The following ALG14 variants were observed in gnomAD, a reference collection of about 807,000 sequenced individuals.
ALG14 encodes ALG14 UDP-N-acetylglucosaminyltransferase subunit, also known as UDP-N-acetylglucosamine transferase subunit ALG14.
Under a neutral mutation model 22.8 loss-of-function variants are expected in ALG14, and 17 were observed. The ratio of observed to expected loss-of-function variants is 0.75; its 90% CI spans 0.51 to 1.12. The LOEUF is 1.12. Ranked by LOEUF, ALG14 falls within the 50% of genes most tolerant of loss-of-function variation. The probability of loss-of-function intolerance (pLI) is 0.00; values close to 1 mark genes in which losing one functional copy is unlikely to be tolerated. For missense variants in ALG14, 288 were observed against 271.8 expected (o/e 1.06, Z -0.42); for synonymous variants, 89 against 103.7 (o/e 0.86, Z 0.86).
At chr1:95,043,299 G>A (rs1002794280) in intron 2 of ALG14, among the ~76,000 whole-genome samples, 1 of 152,114 alleles carries the variant, frequency 6.6e-6, no homozygotes, top group Non-Finnish European at 1.5e-5. Flanking sequence ...CCATACACAC[G>A]TTATAAGGTC....
At chr1:95,059,768 G>C (rs1675070570) in intron 2 of ALG14, among the ~76,000 whole-genome samples, 1 of 151,962 alleles carries the variant, frequency 6.6e-6, no homozygotes, top group Non-Finnish European at 1.5e-5. Flanking sequence ...AATGAGGCTA[G>C]TGCAACCGAG....
At chr1:95,060,973 T>C (rs969381524) in intron 2 of ALG14, among the ~76,000 whole-genome samples, 1 of 151,978 alleles carries the variant, frequency 6.6e-6, no homozygotes, top group Non-Finnish European at 1.5e-5. Context: ...GGTATCCTCA[T>C]AAAAAAGGCA....
intron 3 of ALG14, among the ~76,000 whole-genome samples, chr1:95,016,610 C>T (rs1035751487): frequency 2.6e-5 from 4 of 152,050 alleles, no homozygotes; most frequent in Non-Finnish European, 5.9e-5. Flanking sequence ...GCAATGGCAG[C>T]TCCAGGACTT....
chr1:95,058,088 C>G (rs1674999248), intron 2 of ALG14, among the ~76,000 whole-genome samples: 1 of 150,706 alleles, frequency 6.6e-6, no homozygotes, highest in Non-Finnish European at 1.5e-5. Context: ...GAGATCGAGA[C>G]CATCCTGGCC....
At chr1:95,016,530 A>T (rs935359636) in intron 3 of ALG14, among the ~76,000 whole-genome samples, 3 of 152,194 alleles carry the variant, frequency 2.0e-5, no homozygotes, top group Admixed American at 1.3e-4. Context: ...AAACCCACCA[A>T]GATATAAATA....
intron 1 of ALG14, among the ~76,000 whole-genome samples, chr1:95,066,676 G>A (rs1305357584): frequency 6.6e-6 from 1 of 152,044 alleles, no homozygotes; most frequent in Non-Finnish European, 1.5e-5. Context: ...TCTTGACTGG[G>A]GCATATAATT....
rs898554701 is a variant in ALG14 at position 94,981,850 on chromosome 1, A to G, written c.*1226T>C. 2.0e-5 allele frequency: 3 copies of G among 151,984 alleles called. No individual in the cohort carries two copies. The highest frequency in any genetic ancestry group is 2.0e-4 in the Admixed American group (3 of 15,258). The allele number at this position is 151,984 out of a possible 1,614,324, so 9.4% of individuals were successfully genotyped here. A position where few individuals can be genotyped will look rare whatever the true frequency, so the allele number is the denominator to read the frequency against. On this transcript the variant is annotated 3_prime_UTR_variant, in exon 4 of 4. Coordinates refer to ENST00000370205, the MANE Select transcript of ALG14 (RefSeq NM_144988.4). The stretch of plus-strand genomic sequence containing the variant: ...CACAGTCTCAAGCAGGACCAGCGAA[A>G]GAATTCAGAGGGTCTAAAATATAAG...
rs1290576527 is a variant in ALG14, at chr1:95,072,902, G to A, written c.-4C>T. ...CTAGAACGAGAACGCACACCATGCA[G>A]AGAAACGGCGCATGCGTCCAACTTC... is the stretch of plus-strand genomic sequence containing the variant. On this transcript the variant is annotated 5_prime_UTR_variant, in exon 1 of 4. Coordinates refer to ENST00000370205, the MANE Select transcript of ALG14 (RefSeq NM_144988.4). 6.2e-7 allele frequency: 1 copy of A among 1,613,874 alleles called. No individual in the cohort carries two copies. The highest frequency in any genetic ancestry group is 2.2e-5 in the East Asian group (1 of 44,864).
chr1:94,987,433 C>A (rs1438915349), intron 3 of ALG14, among the ~76,000 whole-genome samples: 1 of 152,158 alleles, frequency 6.6e-6, no homozygotes, highest in East Asian at 1.9e-4. Context: ...AATAAATAAA[C>A]TTCTCTAAAA....
intron 3 of ALG14, among the ~76,000 whole-genome samples, chr1:95,020,678 C>G (rs577162195): frequency 6.7e-6 from 1 of 149,620 alleles, no homozygotes; most frequent in South Asian, 2.1e-4. Context: ...CCAGAGGTCA[C>G]GGTGAGCCAA....
At chr1:95,041,769 G>A (rs1674388570) in intron 2 of ALG14, among the ~76,000 whole-genome samples, 1 of 152,168 alleles carries the variant, frequency 6.6e-6, no homozygotes, top group African/African-American at 2.4e-5. Context: ...ACCCCACCTT[G>A]TGGAAAACAG....
intron 3 of ALG14, among the ~76,000 whole-genome samples, chr1:94,993,434 A>G (rs567742261): frequency 4.7e-5 from 7 of 147,532 alleles, no homozygotes; most frequent in Non-Finnish European, 3.0e-5. Context: ...ACATATTTAT[A>G]TACATTTATA....
chr1:95,021,730 T>C (rs1673669536), intron 3 of ALG14, among the ~76,000 whole-genome samples: 1 of 152,170 alleles, frequency 6.6e-6, no homozygotes. Context: ...TCTCACCTCG[T>C]CACCAGCATC....
chr1:95,016,960 T>C (rs1343962170), intron 3 of ALG14, among the ~76,000 whole-genome samples: 1 of 149,212 alleles, frequency 6.7e-6, no homozygotes, highest in Admixed American at 6.7e-5. Flanking sequence ...TGTGTGTGTG[T>C]GTGTGTGTGT....
intron 3 of ALG14, among the ~76,000 whole-genome samples, chr1:95,000,464 A>G (rs746271305): frequency 1.3e-4 from 18 of 143,462 alleles, no homozygotes; most frequent in Non-Finnish European, 2.0e-4. Context: ...TGGGCCTGAG[A>G]GGCAGAAGTT....
At chr1:95,036,578 C>A (rs1052868452) in intron 2 of ALG14, among the ~76,000 whole-genome samples, 3 of 151,918 alleles carry the variant, frequency 2.0e-5, no homozygotes, top group Non-Finnish European at 4.4e-5. Context: ...AGGTATGCGC[C>A]ACCATACCCG....
intron 3 of ALG14, among the ~76,000 whole-genome samples, chr1:94,993,119 C>T (rs1472636920): frequency 6.7e-6 from 1 of 148,680 alleles, no homozygotes. Context: ...TACCAGATAA[C>T]AATAACCCAG....
intron 3 of ALG14, among the ~76,000 whole-genome samples, chr1:94,989,144 G>A (rs1672711664): frequency 6.6e-6 from 1 of 152,124 alleles, no homozygotes; most frequent in African/African-American, 2.4e-5. Context: ...AATTTAGGCT[G>A]ACTCCTTTTT....
At position 94,981,937 on chromosome 1, in the gene ALG14, G is replaced by A. The variant is rs996099794; in HGVS notation, c.*1139C>T. 5 of 151,954 alleles carry A rather than the reference G, an allele frequency of 3.3e-5. No homozygotes were observed. The highest frequency in any genetic ancestry group is 6.6e-5 in the Admixed American group (1 of 15,252). The allele number at this position is 151,954 out of a possible 1,614,324, so 9.4% of individuals were successfully genotyped here. ...GTCACAGCAGAACATTAAACCAAGT[G>A]GAGGCCCTCTTCAGTGCAGAACTCT... On this transcript the variant is annotated 3_prime_UTR_variant, in exon 4 of 4. Coordinates refer to ENST00000370205, the MANE Select transcript of ALG14 (RefSeq NM_144988.4).
Sources: gnomAD v4.1 joint callset for allele counts (sites outside exome capture counted in the v4.1 genomes callset) on GRCh38, gnomAD v4.1.1 for gene constraint, MANE v1.5 for transcripts, NCBI Gene and HGNC (gene_info 2026-07-23, HGNC 2026-07-21) for gene names.